The following DGKB variants were observed in gnomAD, a reference collection of about 807,000 sequenced individuals.
DGKB encodes 90 kDa diacylglycerol kinase.
In DGKB, 67 loss-of-function variants were observed where a neutral mutation model predicts 114.3. That is an observed-to-expected ratio of 0.59 (90% CI 0.48 to 0.72). The LOEUF (loss-of-function observed/expected upper bound fraction) is 0.72, where lower values mean the gene tolerates loss of function less well. Ranked by LOEUF, DGKB falls within the 30% of genes least tolerant of loss-of-function variation. DGKB has a pLI of 0.00. For synonymous variants in DGKB, 398 were observed against 323.1 expected (o/e 1.23, Z -2.49); for missense variants, 907 against 975.2 (o/e 0.93, Z 0.93).
rs143639699 is a variant in DGKB at position 14,945,110 on chromosome 7, C to T, written c.-188+29586G>A. Among the ~76,000 whole-genome samples the T allele has an allele frequency of 4.1e-3, 614 of 151,456 alleles. 4 individuals are homozygous for T. The highest frequency in any genetic ancestry group is 9.6e-3 in the Admixed American group (145 of 15,112). On this transcript the variant is annotated intron_variant, in intron 1 of 4. Coordinates refer to the DGKB transcript ENST00000437998. ...AACCTAAATATTCACATCAGAAGAACGGAAAAATAAATTGCGGTATAATTC... is the reference window on the plus strand; with the variant it reads ...AACCTAAATATTCACATCAGAAGAATGGAAAAATAAATTGCGGTATAATTC...
At chr7:14,722,159 G>T (rs1829278867) in intron 5 of DGKB, among the ~76,000 whole-genome samples, 1 of 152,042 alleles carries the variant, frequency 6.6e-6, no homozygotes, top group Non-Finnish European at 1.5e-5. Context: ...TCTTTTTGTT[G>T]TATATTCTAT....
chr7:14,613,954 T>C (rs1806065254), intron 15 of DGKB, among the ~76,000 whole-genome samples: 1 of 152,138 alleles, frequency 6.6e-6, no homozygotes, highest in Non-Finnish European at 1.5e-5. Context: ...ACACAATTTG[T>C]TCAGTGCTTT....
intron 13 of DGKB, among the ~76,000 whole-genome samples, chr7:14,633,999 G>A (rs180719845): frequency 6.6e-6 from 1 of 151,468 alleles, no homozygotes; most frequent in East Asian, 1.9e-4. Flanking sequence ...ATAGGACAAA[G>A]AAAAATCTTT....
chr7:14,850,581 T>C (rs1315904588), intron 1 of DGKB, among the ~76,000 whole-genome samples: 1 of 152,166 alleles, frequency 6.6e-6, no homozygotes, highest in Non-Finnish European at 1.5e-5. Context: ...GGTTGATTAC[T>C]TCTGTTTTCT....
At chr7:14,238,247 T>C (rs1398104709) in intron 23 of DGKB, among the ~76,000 whole-genome samples, 3 of 151,996 alleles carry the variant, frequency 2.0e-5, no homozygotes, top group Non-Finnish European at 4.4e-5. Context: ...CCCCATGCTT[T>C]CTCATGATAG....
At chr7:14,522,926 G>A (rs560702842) in intron 20 of DGKB, among the ~76,000 whole-genome samples, 3 of 152,048 alleles carry the variant, frequency 2.0e-5, no homozygotes, top group Non-Finnish European at 4.4e-5. Flanking sequence ...GAAAGCATAC[G>A]GAATTGGCCT....
At chr7:14,193,787 A>G (rs79960210) in intron 23 of DGKB, among the ~76,000 whole-genome samples, 1 of 152,148 alleles carries the variant, frequency 6.6e-6, no homozygotes, top group African/African-American at 2.4e-5. Flanking sequence ...TATGTAGACT[A>G]TACTTCTAAC....
chr7:14,526,396 G>A (rs931127215), intron 20 of DGKB, among the ~76,000 whole-genome samples: 4 of 152,020 alleles, frequency 2.6e-5, no homozygotes, highest in Non-Finnish European at 5.9e-5. Context: ...CTCCCTGGGG[G>A]CGAAATCAAC....
intron 20 of DGKB, among the ~76,000 whole-genome samples, chr7:14,497,381 G>A (rs28546311): frequency 6.6e-6 from 1 of 151,752 alleles, no homozygotes; most frequent in South Asian, 2.1e-4. Context: ...TTTAAAAAAA[G>A]AAAAGTGAAC....
At chr7:14,809,299 A>G (rs890362876) in intron 2 of DGKB, among the ~76,000 whole-genome samples, 2 of 152,120 alleles carry the variant, frequency 1.3e-5, no homozygotes, top group African/African-American at 2.4e-5. Context: ...GACTCCTGCT[A>G]TAGTCCTAGT....
chr7:14,784,181 C>T (rs1839525027), intron 2 of DGKB, among the ~76,000 whole-genome samples: 1 of 151,690 alleles, frequency 6.6e-6, no homozygotes, highest in African/African-American at 2.4e-5. Flanking sequence ...CTGATGTATC[C>T]TTTTCAGCTG....
intron 2 of DGKB, among the ~76,000 whole-genome samples, chr7:14,774,856 G>T (rs1029380914): frequency 2.6e-5 from 4 of 151,982 alleles, no homozygotes; most frequent in Non-Finnish European, 4.4e-5. Context: ...GCATGCCTTG[G>T]CTGTATTGTC....
intron 2 of DGKB, among the ~76,000 whole-genome samples, chr7:14,811,724 A>C (rs10231815): frequency 6.6e-6 from 1 of 152,030 alleles, no homozygotes; most frequent in African/African-American, 2.4e-5. Context: ...CTGTCACTAG[A>C]GTTTTAAAAA....
intron 21 of DGKB, among the ~76,000 whole-genome samples, chr7:14,375,268 T>A (rs1818300605): frequency 6.6e-6 from 1 of 152,244 alleles, no homozygotes; most frequent in African/African-American, 2.4e-5. Context: ...CAGTTTTAAT[T>A]TTCTCTTTTC....
At position 14,146,801 on chromosome 7, in the gene DGKB, T is replaced by C. The variant is rs962631104; in HGVS notation, c.*2330A>G. ...AAATGTAACCACTATTAGCACTAAT[T>C]GTAGTTATACAGCTACACTGAAGTG... On this transcript the variant is annotated 3_prime_UTR_variant, in exon 26 of 26. Coordinates refer to ENST00000402815, the MANE Select transcript of DGKB (RefSeq NM_001350709.2). 3 of 152,136 alleles carry C rather than the reference T, an allele frequency of 2.0e-5. No individual in the cohort carries two copies. Among genetic ancestry groups the C allele is most frequent in the Non-Finnish European group, 4.4e-5 (3 of 68,004 alleles). The allele number at this position is 152,136 out of a possible 1,614,324, so 9.4% of individuals were successfully genotyped here. A position where few individuals can be genotyped will look rare whatever the true frequency, so the allele number is the denominator to read the frequency against.
chr7:14,270,208 C>G (rs909813396), intron 23 of DGKB, among the ~76,000 whole-genome samples: 1 of 152,176 alleles, frequency 6.6e-6, no homozygotes, highest in South Asian at 2.1e-4. Context: ...CAGTTTCTCT[C>G]TCATAGGCTA....
At chr7:14,255,648 G>A (rs1001088800) in intron 23 of DGKB, among the ~76,000 whole-genome samples, 2 of 151,808 alleles carry the variant, frequency 1.3e-5, no homozygotes, top group South Asian at 2.1e-4. Context: ...CCTACTCCTA[G>A]ATCCTGAACT....
chr7:14,199,653 G>A (rs1380501158), intron 23 of DGKB, among the ~76,000 whole-genome samples: 1 of 152,008 alleles, frequency 6.6e-6, no homozygotes, highest in Non-Finnish European at 1.5e-5. Context: ...AAAGTTCAGT[G>A]GGATTCAATT....
chr7:14,972,292 T>G (rs1434928196), intron 1 of DGKB, among the ~76,000 whole-genome samples: 2 of 152,158 alleles, frequency 1.3e-5, no homozygotes, highest in Non-Finnish European at 2.9e-5. Flanking sequence ...ATTCCTCATG[T>G]ACTCTAAAAG....
Sources: allele counts gnomAD v4.1 joint callset (sites outside exome capture counted in the v4.1 genomes callset), GRCh38; gene constraint gnomAD v4.1.1; transcripts MANE v1.5; gene names NCBI Gene and HGNC (gene_info 2026-07-23, HGNC 2026-07-21).